The following FBN3 variants were observed in gnomAD, a reference collection of about 807,000 sequenced individuals.
FBN3 encodes fibrillin 3.
In FBN3, 234 loss-of-function variants were observed where a neutral mutation model predicts 330.1. That is an observed-to-expected ratio of 0.71 (90% CI 0.64 to 0.79). FBN3 has a LOEUF of 0.79. Among genes scored for constraint, FBN3 ranks in the 30% least tolerant of loss-of-function variants. FBN3 has a pLI of 0.00. For synonymous variants in FBN3, 1,458 were observed against 1,517.3 expected, an observed-to-expected ratio of 0.96 and a Z score of 0.91; for missense variants, 3,606 against 3,886.9, an observed-to-expected ratio of 0.93 and a Z score of 1.92.
In FBN3 at chr19:8,146,224, G is replaced by A. The variant is rs908170925; in HGVS notation, c.252C>T (p.Pro84=). The change falls in exon 4 of 64, where the codon CCC becomes CCT. Residue 84 remains proline (P), a splice_region_variant and synonymous_variant. Coordinates refer to ENST00000600128, the MANE Select transcript of FBN3 (RefSeq NM_032447.5). ...TFPGRSQCVV[P]ICRRACGEGF... ...CTTCACCGCAGGCGCGCCTACAGAT[G>A]GCTGGATGAGTGCAGCGGGTGGCAG... The A allele has an allele frequency of 6.3e-7, 1 of 1,589,350 alleles. No individual in the cohort carries two copies.
At chr19:8,146,653 G>A (rs992511934) in intron 3 of FBN3, among the ~76,000 whole-genome samples, 96 of 151,980 alleles carry the variant, frequency 6.3e-4, no homozygotes, top group African/African-American at 1.7e-3. Flanking sequence ...GAGAGAATCA[G>A]TTAGATAGAG....
Position 8,147,091 on chromosome 19 carries a change from C to A in FBN3, c.250+13G>T. On this transcript the variant is annotated intron_variant, in intron 3 of 63. Transcript: ENST00000600128. ...CCTGTGCCCCCCCACCTCCAGACGG[C>A]GGTAGCACTCACGTACGACACACTG... is the stretch of plus-strand genomic sequence containing the variant. 6.5e-7 allele frequency: 1 copy of A among 1,549,288 alleles called. No individual in the cohort carries two copies. The highest frequency in any genetic ancestry group is 8.7e-7 in the Non-Finnish European group (1 of 1,149,606).
intron 56 of FBN3, among the ~76,000 whole-genome samples, 176 bp downstream of exon 56, chr19:8,085,187 A>G (rs897121952): frequency 2.0e-5 from 3 of 150,988 alleles, no homozygotes; most frequent in African/African-American, 7.3e-5. Flanking sequence ...CATATGGTGC[A>G]CACGTACTGG....
intron 38 of FBN3, among the ~76,000 whole-genome samples, chr19:8,104,394 C>T (rs1028290014): frequency 2.0e-5 from 3 of 151,646 alleles, no homozygotes; most frequent in Non-Finnish European, 2.9e-5. Context: ...TCACCTGAGT[C>T]CAGGAGGTCA....
chr19:8,088,268 A>G, intron 51 of FBN3, 89 bp from the exon 52 acceptor site: 1 of 1,477,588 alleles, frequency 6.8e-7, no homozygotes. Flanking sequence ...ACCACCACAG[A>G]TCGGAGGGGG....
rs187314298 is a variant in FBN3 at position 8,147,532 on chromosome 19, C to T, written c.-17-35G>A. ...GGAAGCAGAGTCAGCCCTAGATGAG[C>T]CCCCCACCCTAGCCATGGGGGACCC... On this transcript the variant is annotated intron_variant, in intron 1 of 63. Transcript: ENST00000600128. The T allele has an allele frequency of 7.4e-4, 1,037 of 1,402,412 alleles. 12 individuals carry two copies. In the East Asian group the frequency reaches 0.025, roughly 33 times the overall value. The allele number at this position is 1,402,412 out of a possible 1,614,324, so 86.9% of individuals were successfully genotyped here. A position where few individuals can be genotyped will look rare whatever the true frequency, so the allele number is the denominator to read the frequency against.
chr19:8,072,193 C>A lies in FBN3; in HGVS notation c.7943G>T (p.Cys2648Phe). 6.5e-7 allele frequency: 1 copy of A among 1,544,596 alleles called. No individual in the cohort carries two copies. Reference protein sequence around the residue: ...QGYFRAGQGHCVSGLGFSPGP... With the variant: ...QGYFRAGQGHFVSGLGFSPGP... ...GGGGCTGAAGCCCAGGCCGGAGACA[C>A]AGTGCCTGGGCCAGGATGGGCAGGG... The change falls in exon 63 of 64, where the codon TGT becomes TTT. Residue 2648 changes from cysteine to phenylalanine, a missense_variant. Cys to Phe is a radical substitution (Grantham distance 205). Transcript: ENST00000600128.
intron 37 of FBN3, 72 bp downstream of exon 37, chr19:8,108,098 T>C: frequency 7.3e-7 from 1 of 1,367,362 alleles, no homozygotes; most frequent in South Asian, 1.2e-5. Flanking sequence ...CTCTACACTT[T>C]GGTGAGGTGG....
intron 38 of FBN3, among the ~76,000 whole-genome samples, chr19:8,105,374 C>T (rs940761555): frequency 6.6e-6 from 1 of 151,896 alleles, no homozygotes; most frequent in Non-Finnish European, 1.5e-5. Context: ...CCTCCTGCCT[C>T]AGCCTCCCAA....
chr19:8,135,936 G>GGGGGGGGGGCCCCCCCCCCCCCC, intron 13 of FBN3, 25 bp downstream of exon 13: 2 of 668,770 alleles, frequency 3.0e-6, no homozygotes, highest in Non-Finnish European at 4.8e-6. Context: ...GGAAGCCCCT[G>GGGGGGGGGGCCCCCCCCCCCCCC]CCCACCCGCC....
In FBN3 at chr19:8,126,828, G is replaced by A. The variant is rs1414194461; in HGVS notation, c.2301C>T (p.Val767=). The change falls in exon 19 of 64, where the codon GTC becomes GTT. Residue 767 remains valine (V), a synonymous_variant. Transcript: ENST00000600128. ...FWQDTEICKD[V]DECLSSPCVS... is the part of the protein sequence containing the mutation. ...CACACGGGCTGGACAGGCATTCGTCGACATCTGTGGGGACAGCCCCCCACC... is the reference window on the plus strand; with the variant it reads ...CACACGGGCTGGACAGGCATTCGTCAACATCTGTGGGGACAGCCCCCCACC... 4.5e-6 allele frequency: 7 copies of A among 1,554,728 alleles called. No homozygotes were observed. Among genetic ancestry groups the A allele is most frequent in the Admixed American group, 2.0e-5 (1 of 48,806 alleles).
intron 41 of FBN3, among the ~76,000 whole-genome samples, chr19:8,100,529 G>A (rs2082305065): frequency 6.6e-6 from 1 of 152,012 alleles, no homozygotes; most frequent in African/African-American, 2.4e-5. Context: ...GTAGAGACAC[G>A]GTTTCACCAT....
At chr19:8,076,182 T>G (rs557816663) in intron 59 of FBN3, among the ~76,000 whole-genome samples, 7 of 151,444 alleles carry the variant, frequency 4.6e-5, no homozygotes, top group African/African-American at 1.2e-4. Flanking sequence ...CTGCCCAGCT[T>G]CCAGAATGGA....
chr19:8,147,331 G>A lies in FBN3; in HGVS notation c.150C>T (p.Ser50=), dbSNP rs1191128034. Residue 50 remains serine (S), a synonymous_variant, in exon 2 of 64, where the codon AGC becomes AGT. Coordinates refer to ENST00000600128, the MANE Select transcript of FBN3 (RefSeq NM_032447.5). The part of the protein sequence containing the change: ...AGPGRVRRRG[S]PGILQGPNVC... ...CCACGCACCCCTGCAAGATGCCTGG[G>A]CTGCCCCGCCTCCGCACACGTCCAG... is the stretch of plus-strand genomic sequence containing the variant. 1 of 1,597,246 alleles carries A rather than the reference G, an allele frequency of 6.3e-7. No homozygotes were observed. The highest frequency in any genetic ancestry group is 1.1e-5 in the South Asian group (1 of 88,516).
intron 5 of FBN3, among the ~76,000 whole-genome samples, chr19:8,145,373 C>CAAA (rs55926242): frequency 8.1e-5 from 7 of 86,374 alleles, no homozygotes; most frequent in Admixed American, 2.9e-4. Flanking sequence ...AACTCCATCT[C>CAAA]AAAAAAAAAA....
Position 8,144,976 on chromosome 19 carries a change from TGGA to T in FBN3, c.446-7_446-5del, listed in dbSNP as rs2083499428. ...TGGCAGCCGCGGTCACAGATGGCTG[TGGA>T]GGAGAGAGGGTGATGGCTGGAGGTC... On this transcript the variant is annotated splice_region_variant and splice_polypyrimidine_tract_variant and intron_variant, in intron 5 of 63. Transcript: ENST00000600128. 1.9e-6 allele frequency: 3 copies of T among 1,606,954 alleles called. No homozygotes were observed. Among genetic ancestry groups the T allele is most frequent in the African/African-American group, 1.3e-5 (1 of 74,928 alleles).
intron 40 of FBN3, among the ~76,000 whole-genome samples, chr19:8,102,244 T>C (rs1459613818): frequency 1.3e-5 from 2 of 151,772 alleles, no homozygotes; most frequent in Non-Finnish European, 2.9e-5. Context: ...AGATGGAGTC[T>C]TGCTCTGTCA....
At position 8,083,255 on chromosome 19, in the gene FBN3, G is replaced by A; in HGVS notation, c.7205C>T (p.Thr2402Ile). The A allele has an allele frequency of 3.1e-6, 5 of 1,614,116 alleles. No individual in the cohort carries two copies. Among genetic ancestry groups the A allele is most frequent in the Non-Finnish European group, 4.2e-6 (5 of 1,180,032 alleles). The change falls in exon 57 of 64, where the codon ACC (threonine) becomes ATC (isoleucine). Residue 2402 changes from threonine to isoleucine, a missense_variant. Physicochemically the swap from Thr to Ile is moderately conservative, Grantham distance 89. Transcript: ENST00000600128. The part of the protein sequence containing the change: ...AGYTPDATAT[T>I]CLDMDECSQV... ...CAGAGGGCTGGGCTCACCCAGGCAG[G>A]TAGTAGCAGTAGCATCCGGTGTGTA...
In FBN3 at chr19:8,125,991, C is replaced by T. The variant is rs1568432186; in HGVS notation, c.2632G>A (p.Gly878Arg). 2 of 1,613,822 alleles carry T rather than the reference C, an allele frequency of 1.2e-6. No homozygotes were observed. The highest frequency in any genetic ancestry group is 8.5e-7 in the Non-Finnish European group (1 of 1,180,012). The change falls in exon 22 of 64, where the codon GGA (glycine) becomes AGA (arginine). Residue 878 changes from glycine (G) to arginine (R), a missense_variant. Physicochemically the swap from Gly to Arg is moderately radical, Grantham distance 125 (BLOSUM62 -2). Transcript: ENST00000600128. ...DDVNECESFP[G>R]VCPNGRCVNT... Reference sequence around the variant, plus strand: ...ACGCAACGCCCGTTGGGACAGACTCCCGGGAAGGACTCACACTCGTTCACA... The same window carrying T: ...ACGCAACGCCCGTTGGGACAGACTCTCGGGAAGGACTCACACTCGTTCACA...
Sources: gnomAD v4.1 joint callset for allele counts (sites outside exome capture counted in the v4.1 genomes callset) on GRCh38, gnomAD v4.1.1 for gene constraint, MANE v1.5 for transcripts, NCBI Gene and HGNC (gene_info 2026-07-23, HGNC 2026-07-21) for gene names.